Variants in NAALADL2 observed in about 807,000 individuals in gnomAD.
NAALADL2 encodes inactive N-acetylated-alpha-linked acidic dipeptidase-like protein 2.
A neutral mutation model predicts 87.2 loss-of-function variants in NAALADL2; 76 were observed. That is an observed-to-expected ratio of 0.87 (90% CI 0.72 to 1.05). NAALADL2 has a LOEUF of 1.05. Ranked by LOEUF, NAALADL2 falls within the 50% of genes least tolerant of loss-of-function variation. NAALADL2 has a pLI of 0.00. For synonymous variants in NAALADL2, 354 were observed against 331.0 expected (o/e 1.07, Z -0.75); for missense variants, 1,089 against 945.8 (o/e 1.15, Z -1.99).
At chr3:174,925,781 G>A (rs1053246196) in intron 1 of NAALADL2, among the ~76,000 whole-genome samples, 10 of 152,156 alleles carry the variant, frequency 6.6e-5, no homozygotes, top group Non-Finnish European at 1.5e-4. Flanking sequence ...CCTTGAAGAG[G>A]TCCTTCACAT....
chr3:175,202,631 A>C (rs1367264444), intron 2 of NAALADL2, among the ~76,000 whole-genome samples: 2 of 152,116 alleles, frequency 1.3e-5, no homozygotes, highest in Admixed American at 1.3e-4. Flanking sequence ...AGAGAGCATC[A>C]GCTGTGGTAG....
chr3:175,180,350 A>G (rs1418980785), intron 2 of NAALADL2, among the ~76,000 whole-genome samples: 4 of 152,036 alleles, frequency 2.6e-5, no homozygotes, highest in Admixed American at 6.6e-5. Flanking sequence ...GAGGGAGATA[A>G]TACTATTCAT....
chr3:175,005,477 G>T (rs1161014102), intron 1 of NAALADL2, among the ~76,000 whole-genome samples: 3 of 152,078 alleles, frequency 2.0e-5, no homozygotes, highest in African/African-American at 7.2e-5. Context: ...GATCACATTT[G>T]TCTGGCTCCC....
intron 5 of NAALADL2, among the ~76,000 whole-genome samples, chr3:175,336,957 T>C (rs1762045138): frequency 1.3e-5 from 2 of 152,160 alleles, no homozygotes; most frequent in Admixed American, 6.6e-5. Context: ...GATACGCACA[T>C]TTTCAAGCAA....
intron 1 of NAALADL2, among the ~76,000 whole-genome samples, chr3:175,084,918 T>C (rs2108268397): frequency 6.6e-6 from 1 of 152,332 alleles, no homozygotes; most frequent in African/African-American, 2.4e-5. Flanking sequence ...GGACAGAGTA[T>C]AGAGACTGTA....
intron 9 of NAALADL2, among the ~76,000 whole-genome samples, chr3:175,574,073 T>A (rs34180786): frequency 0.011 from 1,606 of 152,324 alleles, 20 homozygotes; most frequent in Non-Finnish European, 0.016. Flanking sequence ...ACTAGATAGT[T>A]ATTAAAACAT....
At chr3:175,489,339 A>G (rs1054615456) in intron 9 of NAALADL2, among the ~76,000 whole-genome samples, 3 of 152,198 alleles carry the variant, frequency 2.0e-5, no homozygotes, top group Admixed American at 6.5e-5. Flanking sequence ...TTGATTAATT[A>G]AAAATAGTTA....
At chr3:174,522,350 G>A (rs1436014443) in intron 1 of NAALADL2, among the ~76,000 whole-genome samples, 2 of 152,068 alleles carry the variant, frequency 1.3e-5, no homozygotes, top group Admixed American at 6.6e-5. Flanking sequence ...AAGAGTATTC[G>A]TGAATGAGAC....
At chr3:175,224,493 G>A (rs939634955) in intron 2 of NAALADL2, among the ~76,000 whole-genome samples, 1 of 152,040 alleles carries the variant, frequency 6.6e-6, no homozygotes, top group African/African-American at 2.4e-5. Flanking sequence ...TAAACCAGAG[G>A]TTAAGCCCTC....
chr3:175,344,047 A>G (rs1186901239), intron 5 of NAALADL2, among the ~76,000 whole-genome samples: 4 of 152,096 alleles, frequency 2.6e-5, no homozygotes. Flanking sequence ...TACTGGTTTA[A>G]TACCGACAAG....
upstream of NAALADL2, among the ~76,000 whole-genome samples, chr3:174,855,157 G>A (rs1024558690): frequency 1.3e-5 from 2 of 152,036 alleles, no homozygotes; most frequent in Non-Finnish European, 2.9e-5. Flanking sequence ...ACTTTTACAT[G>A]AGTGGCAGCA....
chr3:174,741,030 T>C (rs1281489520), intron 3 of NAALADL2, among the ~76,000 whole-genome samples: 2 of 151,746 alleles, frequency 1.3e-5, no homozygotes, highest in African/African-American at 4.8e-5. Flanking sequence ...TTAGAACAGT[T>C]AAATGGTCTA....
intron 2 of NAALADL2, among the ~76,000 whole-genome samples, chr3:174,711,609 C>T (rs1730639236): frequency 6.6e-6 from 1 of 152,120 alleles, no homozygotes; most frequent in Non-Finnish European, 1.5e-5. Flanking sequence ...TTAGTCCTTT[C>T]TATTCTTCAG....
chr3:174,950,699 A>C (rs556273134), intron 1 of NAALADL2, among the ~76,000 whole-genome samples: 17 of 152,262 alleles, frequency 1.1e-4, no homozygotes, highest in African/African-American at 4.1e-4. Context: ...ATAATTTGAA[A>C]CAATTTTAGC....
chr3:174,566,905 G>A (rs188598260), intron 2 of NAALADL2, among the ~76,000 whole-genome samples: 1 of 151,482 alleles, frequency 6.6e-6, no homozygotes, highest in East Asian at 1.9e-4. Context: ...CAAAAGGTAT[G>A]TTTTATTGAT....
rs956795498 is a variant in NAALADL2, at chr3:175,313,898, A to T, written c.940-10277A>T. 4.6e-5 allele frequency among the ~76,000 whole-genome samples: 7 copies of T among 151,910 alleles called. No individual in the cohort carries two copies. The South Asian group carries it at 1.0e-3, about 23-fold the overall frequency. On this transcript the variant is annotated intron_variant, in intron 4 of 13. Coordinates refer to ENST00000454872, the MANE Select transcript of NAALADL2 (RefSeq NM_207015.3). ...GCCAACATGGTAAAACCATGTCTCT[A>T]CTAAAAATAAAAAACTAGCTGGGAG...
At chr3:175,248,978 T>G (rs1255856176) in intron 3 of NAALADL2, among the ~76,000 whole-genome samples, 2 of 152,202 alleles carry the variant, frequency 1.3e-5, no homozygotes, top group East Asian at 3.9e-4. Context: ...AGAATCACCT[T>G]TGTGATATCA....
At chr3:175,366,750 T>C (rs868180111) in intron 5 of NAALADL2, among the ~76,000 whole-genome samples, 33 of 150,830 alleles carry the variant, frequency 2.2e-4, no homozygotes, top group African/African-American at 7.0e-4. Context: ...TTGTAGATTC[T>C]GGATATTAGC....
chr3:174,827,747 T>C (rs1039590549), intron 3 of NAALADL2, among the ~76,000 whole-genome samples: 1 of 152,348 alleles, frequency 6.6e-6, no homozygotes, highest in Non-Finnish European at 1.5e-5. Context: ...TCTAGCCTTA[T>C]AGATTTACTG....
Sources: allele counts gnomAD v4.1 joint callset (sites outside exome capture counted in the v4.1 genomes callset), GRCh38; gene constraint gnomAD v4.1.1; transcripts MANE v1.5; gene names NCBI Gene and HGNC (gene_info 2026-07-23, HGNC 2026-07-21).